Variants in PREX1 observed in about 807,000 individuals in gnomAD.
PREX1 encodes phosphatidylinositol 3,4,5-trisphosphate-dependent Rac exchanger 1 protein.
PREX1 carries 41 observed loss-of-function variants against 198.3 expected under a neutral mutation model. The observed-to-expected ratio is 0.21, with a 90% CI of 0.16 to 0.27. PREX1 has a LOEUF of 0.27. Ranked by LOEUF, PREX1 falls within the 10% of genes least tolerant of loss-of-function variation. The probability of loss-of-function intolerance (pLI) is 1.00; values close to 1 mark genes in which losing one functional copy is unlikely to be tolerated. For missense variants in PREX1, 1,620 were observed against 2,200.7 expected (o/e 0.74, Z 5.28); for synonymous variants, 843 against 887.2 (o/e 0.95, Z 0.89).
chr20:48,658,445 G>A (rs888834550), intron 16 of PREX1, among the ~76,000 whole-genome samples: 2 of 152,222 alleles, frequency 1.3e-5, no homozygotes, highest in Admixed American at 6.5e-5. Flanking sequence ...GGATCCAAAG[G>A]TGTCCAGCCA....
chr20:48,766,813 G>A (rs1396390413), intron 1 of PREX1, among the ~76,000 whole-genome samples: 1 of 152,174 alleles, frequency 6.6e-6, no homozygotes, highest in Non-Finnish European at 1.5e-5. Context: ...GCTCATTCTT[G>A]GTGAGTGAGT....
At chr20:48,789,279 T>A (rs559522721) in intron 1 of PREX1, among the ~76,000 whole-genome samples, 208 of 152,216 alleles carry the variant, frequency 1.4e-3, no homozygotes, top group Non-Finnish European at 2.5e-3. Context: ...TTCCTCAACA[T>A]CTCCATCCAC....
intron 18 of PREX1, among the ~76,000 whole-genome samples, chr20:48,656,815 G>A (rs994222601): frequency 5.3e-5 from 8 of 152,300 alleles, no homozygotes; most frequent in African/African-American, 1.2e-4. Flanking sequence ...GGCAGGAACC[G>A]CATGCATCCC....
In PREX1 at chr20:48,700,900, G is replaced by A. The variant is rs767348916; in HGVS notation, c.784-14C>T. On this transcript the variant is annotated splice_polypyrimidine_tract_variant and intron_variant, in intron 6 of 39. Transcript: ENST00000371941. ...GAGGTTGGAACCCTGGAAGCGCAAT[G>A]AGGACACAGTGAATGAGCCAACCCA... is the stretch of plus-strand genomic sequence containing the variant. 25 of 1,614,008 alleles carry A rather than the reference G, an allele frequency of 1.5e-5. No individual in the cohort carries two copies. The highest frequency in any genetic ancestry group is 1.9e-5 in the Non-Finnish European group (23 of 1,179,996).
At chr20:48,651,929 A>C (rs1490226366) in intron 21 of PREX1, among the ~76,000 whole-genome samples, 1 of 152,220 alleles carries the variant, frequency 6.6e-6, no homozygotes, top group East Asian at 1.9e-4. Flanking sequence ...GTAAGAAATG[A>C]TAGTGGCTTG....
intron 1 of PREX1, among the ~76,000 whole-genome samples, chr20:48,755,627 T>C (rs1313362647): frequency 6.6e-6 from 1 of 152,188 alleles, no homozygotes; most frequent in Non-Finnish European, 1.5e-5. Context: ...AAGCCACGTG[T>C]TGGGGAAAAC....
At chr20:48,642,013 G>A (rs2089417436) in intron 29 of PREX1, 155 bp downstream of exon 29, 2 of 692,282 alleles carry the variant, frequency 2.9e-6, no homozygotes, top group Non-Finnish European at 5.0e-6. Context: ...ACAGGTCATG[G>A]ACTGGATGTG....
chr20:48,626,741 G>A (rs2089275784), intron 39 of PREX1, among the ~76,000 whole-genome samples: 1 of 152,258 alleles, frequency 6.6e-6, no homozygotes, highest in Non-Finnish European at 1.5e-5. Context: ...GGTTACGTAA[G>A]ACGTTGCCGC....
chr20:48,695,814 T>C (rs1176334872), intron 7 of PREX1, among the ~76,000 whole-genome samples: 1 of 152,248 alleles, frequency 6.6e-6, no homozygotes, highest in Non-Finnish European at 1.5e-5. Flanking sequence ...GGCCAAATAG[T>C]ACACATTTTC....
the PREX1 span, among the ~76,000 whole-genome samples, chr20:48,842,410 T>C: frequency 1.1e-4 from 16 of 152,176 alleles, no homozygotes; most frequent in African/African-American, 3.9e-4. Context: ...TCTGATCTCA[T>C]TTCTGTCTTG....
At chr20:48,760,342 A>G (rs2090173752) in intron 1 of PREX1, among the ~76,000 whole-genome samples, 1 of 151,918 alleles carries the variant, frequency 6.6e-6, no homozygotes, top group Non-Finnish European at 1.5e-5. Flanking sequence ...AAATAGCTCT[A>G]TTATTATAGA....
intron 27 of PREX1, among the ~76,000 whole-genome samples, chr20:48,643,713 A>T (rs944928536): frequency 3.3e-5 from 5 of 151,440 alleles, no homozygotes; most frequent in African/African-American, 1.2e-4. Flanking sequence ...TCACTCTGTC[A>T]CCCAGGCTGG....
the PREX1 span, among the ~76,000 whole-genome samples, chr20:48,838,758 T>C: frequency 6.6e-6 from 1 of 152,140 alleles, no homozygotes; most frequent in East Asian, 1.9e-4. Flanking sequence ...CCAGGCACAG[T>C]GCCTCATGCC....
chr20:48,696,433 C>A (rs891270663), intron 7 of PREX1, among the ~76,000 whole-genome samples: 1 of 152,170 alleles, frequency 6.6e-6, no homozygotes, highest in African/African-American at 2.4e-5. Flanking sequence ...CATTACTCTA[C>A]GTGTCTGTTT....
At chr20:48,720,522 G>T (rs757859945) in intron 5 of PREX1, among the ~76,000 whole-genome samples, 9 of 152,096 alleles carry the variant, frequency 5.9e-5, no homozygotes, top group Non-Finnish European at 8.8e-5. Context: ...GAGGACACTA[G>T]GAAGACGGAA....
chr20:48,868,473 G>A, the PREX1 span, among the ~76,000 whole-genome samples: 1 of 152,072 alleles, frequency 6.6e-6, no homozygotes, highest in Non-Finnish European at 1.5e-5. Context: ...ACAGGTGTGT[G>A]TCACCACACC....
chr20:48,867,405 C>T, the PREX1 span, among the ~76,000 whole-genome samples: 12 of 152,266 alleles, frequency 7.9e-5, no homozygotes, highest in Middle Eastern at 0.01. Flanking sequence ...TTCGAGGGCC[C>T]CCCAGGGAAT....
chr20:48,710,730 GTC>G (rs1445576565), intron 5 of PREX1, among the ~76,000 whole-genome samples: 2 of 152,222 alleles, frequency 1.3e-5, no homozygotes, highest in South Asian at 2.1e-4. Flanking sequence ...GTCTGAGAAG[GTC>G]TCTCTGGAAA....
intron 5 of PREX1, among the ~76,000 whole-genome samples, chr20:48,725,025 C>A (rs371908160): frequency 4.6e-5 from 7 of 152,356 alleles, no homozygotes; most frequent in South Asian, 2.1e-4. Context: ...GTCCCACCCC[C>A]ACGGCTGCGC....
Sources: allele counts gnomAD v4.1 joint callset (sites outside exome capture counted in the v4.1 genomes callset), GRCh38; gene constraint gnomAD v4.1.1; transcripts MANE v1.5; gene names NCBI Gene and HGNC (gene_info 2026-07-23, HGNC 2026-07-21).